Variants in CACNA2D3 observed in about 807,000 individuals in gnomAD.
The protein encoded by CACNA2D3 is calcium voltage-gated channel auxiliary subunit alpha2delta 3, also known as voltage-dependent calcium channel subunit alpha-2/delta-3.
A neutral mutation model predicts 160.6 loss-of-function variants in CACNA2D3; 60 were observed. The ratio of observed to expected loss-of-function variants is 0.37; its 90% confidence interval spans 0.30 to 0.46. The LOEUF is 0.46. Ranked by LOEUF, CACNA2D3 falls within the 20% of genes least tolerant of loss-of-function variation. The probability of loss-of-function intolerance (pLI) is 1.00; values close to 1 mark genes in which losing one functional copy is unlikely to be tolerated. For missense variants in CACNA2D3, 1,205 were observed against 1,365.0 expected, an observed-to-expected ratio of 0.88 and a Z score of 1.85; for synonymous variants, 558 against 492.9, an observed-to-expected ratio of 1.13 and a Z score of -1.75.
At chr3:54,401,654 G>A (rs996039485) in intron 4 of CACNA2D3, among the ~76,000 whole-genome samples, 1 of 152,140 alleles carries the variant, frequency 6.6e-6, no homozygotes, top group African/African-American at 2.4e-5. Flanking sequence ...CCCATTAAAG[G>A]TGTCCTTCAG....
chr3:54,546,468 C>T (rs1382008664), intron 5 of CACNA2D3, among the ~76,000 whole-genome samples: 1 of 152,092 alleles, frequency 6.6e-6, no homozygotes, highest in Non-Finnish European at 1.5e-5. Context: ...TAATGTTCTT[C>T]CTTTCTTCTT....
At chr3:54,793,615 G>C (rs368799667) in intron 13 of CACNA2D3, among the ~76,000 whole-genome samples, 2 of 152,134 alleles carry the variant, frequency 1.3e-5, no homozygotes, top group Admixed American at 1.3e-4. Context: ...TACAGCCCTC[G>C]CCTAGAACTC....
intron 13 of CACNA2D3, among the ~76,000 whole-genome samples, chr3:54,764,840 AGT>A (rs1702188024): frequency 6.6e-6 from 1 of 152,216 alleles, no homozygotes; most frequent in Non-Finnish European, 1.5e-5. Context: ...ATGGTGGTTC[AGT>A]AGGCACTGGA....
intron 3 of CACNA2D3, among the ~76,000 whole-genome samples, chr3:54,357,375 G>A (rs963742232): frequency 2.0e-5 from 3 of 152,142 alleles, no homozygotes; most frequent in Non-Finnish European, 2.9e-5. Flanking sequence ...ATAAATTGAT[G>A]TGATCACATT....
chr3:54,491,019 T>C (rs938372271), intron 4 of CACNA2D3, among the ~76,000 whole-genome samples: 3 of 152,214 alleles, frequency 2.0e-5, no homozygotes, highest in African/African-American at 7.2e-5. Context: ...ATAAGGAATA[T>C]ATACGTATCT....
Position 54,759,422 on chromosome 3 carries a change from G to A in CACNA2D3, c.1247-4796G>A, listed in dbSNP as rs6799957. ...GGTTACAGCCAGATTCTAGCCCTTAGTGATTTCCTATTATCCATCATTTGT... is the reference window on the plus strand; with the variant it reads ...GGTTACAGCCAGATTCTAGCCCTTAATGATTTCCTATTATCCATCATTTGT... On this transcript the variant is annotated intron_variant, in intron 12 of 37. Coordinates refer to ENST00000474759, the MANE Select transcript of CACNA2D3 (RefSeq NM_018398.3). Among the ~76,000 whole-genome samples the A allele has an allele frequency of 4.9e-3, 739 of 150,702 alleles. 12 individuals carry two copies. The highest frequency in any genetic ancestry group is 0.017 in the African/African-American group (708 of 40,918).
Position 54,816,083 on chromosome 3 carries a change from G to A in CACNA2D3, c.1381-770G>A, listed in dbSNP as rs145353966. ...ACATACCTATTAATTTCAGTTCCTC[G>A]CCTGTGCCATTGGGAAAGCTGTTAT... On this transcript the variant is annotated intron_variant, in intron 13 of 37. Coordinates refer to ENST00000474759, the MANE Select transcript of CACNA2D3 (RefSeq NM_018398.3). Among the ~76,000 whole-genome samples, 17 of 152,096 alleles carry A rather than the reference G, an allele frequency of 1.1e-4. No homozygotes were observed. In the East Asian group the frequency reaches 1.7e-3, roughly 16 times the overall value.
intron 2 of CACNA2D3, among the ~76,000 whole-genome samples, chr3:54,285,612 G>GA (rs1702996790): frequency 1.3e-5 from 2 of 152,344 alleles, no homozygotes; most frequent in African/African-American, 4.8e-5. Context: ...CTGGAGATCT[G>GA]AGAATGGACA....
intron 4 of CACNA2D3, among the ~76,000 whole-genome samples, chr3:54,416,297 T>A (rs2106739401): frequency 6.6e-6 from 1 of 152,334 alleles, no homozygotes. Context: ...CTACCTCCAA[T>A]GTTTTCCCTT....
At chr3:54,141,092 CGCGCGCGT>C (rs1473823948) in intron 2 of CACNA2D3, among the ~76,000 whole-genome samples, 1 of 110,524 alleles carries the variant, frequency 9.0e-6, no homozygotes, top group African/African-American at 3.9e-5. Flanking sequence ...TGTGTGCGCG[CGCGCGCGT>C]GTGTGCATGC....
chr3:54,325,044 G>A (rs1233780829), intron 3 of CACNA2D3, among the ~76,000 whole-genome samples: 1 of 152,124 alleles, frequency 6.6e-6, no homozygotes, highest in African/African-American at 2.4e-5. Context: ...GCATGACCTT[G>A]GTTATATGGA....
At position 54,687,121 on chromosome 3, in the gene CACNA2D3, C is replaced by CTTTTTTTTTTTTTTTTT. The variant is rs757838355; in HGVS notation, c.1167+44893_1167+44894insTTTTTTTTTTTTTTTTT. Among the ~76,000 whole-genome samples, 344 of 94,912 alleles carry CTTTTTTTTTTTTTTTTT rather than the reference C, an allele frequency of 3.6e-3. 28 individuals carry two copies. The highest frequency in any genetic ancestry group is 4.5e-3 in the Non-Finnish European group (218 of 48,038). 62.3% of individuals were successfully genotyped at this position (94,912 alleles called of 152,430 possible). On this transcript the variant is annotated intron_variant, in intron 11 of 37. Transcript: ENST00000474759. ...AAATCGGATTTTTCTTTTTCTTTTT[C>CTTTTTTTTTTTTTTTTT]TTTTTTTTTTTTTGTTTTTTTTTTT...
At chr3:54,984,000 G>A (rs964672687) in intron 29 of CACNA2D3, among the ~76,000 whole-genome samples, 1 of 152,052 alleles carries the variant, frequency 6.6e-6, no homozygotes, top group East Asian at 1.9e-4. Flanking sequence ...AAAAGCTAAC[G>A]GCCCTGCCCC....
At chr3:54,541,278 G>GAAAAAAAAAAAAAA (rs141900915) in intron 5 of CACNA2D3, among the ~76,000 whole-genome samples, 151 of 81,632 alleles carry the variant, frequency 1.8e-3, no homozygotes, top group Middle Eastern at 7.9e-3. Context: ...CTCCGTCTCA[G>GAAAAAAAAAAAAAA]AAAAAAAAAA....
At chr3:54,934,792 C>T (rs747461892) in intron 27 of CACNA2D3, among the ~76,000 whole-genome samples, 25 of 152,084 alleles carry the variant, frequency 1.6e-4, no homozygotes, top group African/African-American at 3.6e-4. Flanking sequence ...AGTGCAGTGG[C>T]GCTATCGTAG....
intron 5 of CACNA2D3, among the ~76,000 whole-genome samples, chr3:54,507,210 T>G (rs559164712): frequency 2.2e-4 from 34 of 152,292 alleles, no homozygotes; most frequent in South Asian, 1.0e-3. Flanking sequence ...CACACCTTCC[T>G]TTTTCTTCCA....
chr3:55,062,268 C>T (rs1482996585), intron 35 of CACNA2D3, among the ~76,000 whole-genome samples: 1 of 115,854 alleles, frequency 8.6e-6, no homozygotes, highest in African/African-American at 4.2e-5. Flanking sequence ...TACAGGCACA[C>T]ATCATATCTG....
chr3:54,931,217 C>T (rs1701180826), intron 27 of CACNA2D3, among the ~76,000 whole-genome samples: 1 of 152,184 alleles, frequency 6.6e-6, no homozygotes. Flanking sequence ...TAGAGAAGCC[C>T]CAGAGCTAAT....
At chr3:54,253,753 T>C (rs1462276894) in intron 2 of CACNA2D3, among the ~76,000 whole-genome samples, 1 of 149,532 alleles carries the variant, frequency 6.7e-6, no homozygotes, top group African/African-American at 2.5e-5. Context: ...TACCCTCTAA[T>C]CCAAGGACTA....
Sources: allele counts gnomAD v4.1 joint callset (sites outside exome capture counted in the v4.1 genomes callset), GRCh38; gene constraint gnomAD v4.1.1; transcripts MANE v1.5; gene names NCBI Gene and HGNC (gene_info 2026-07-23, HGNC 2026-07-21).